LRMDA: variants seen among roughly 807,000 people sequenced by gnomAD.
LRMDA encodes the protein leucine-rich melanocyte differentiation-associated protein.
In LRMDA, 18 loss-of-function variants were observed where a neutral mutation model predicts 29.8. That is an observed-to-expected ratio of 0.60 (90% CI 0.42 to 0.90). The LOEUF is 0.90. LRMDA is among the 40% of genes least tolerant of loss of function. The pLI is 0.00. For synonymous variants in LRMDA, 125 were observed against 109.4 expected, an observed-to-expected ratio of 1.14 and a Z score of -0.89; for missense variants, 273 against 273.9, an observed-to-expected ratio of 1.00 and a Z score of 0.02.
chr10:75,817,737 G>T (rs1245583077), intron 2 of LRMDA, among the ~76,000 whole-genome samples: 4 of 152,334 alleles, frequency 2.6e-5, no homozygotes, highest in African/African-American at 9.6e-5. Flanking sequence ...GTATTGGAAT[G>T]ATACAATTAG....
chr10:75,461,416 A>G (rs146386991), intron 2 of LRMDA, among the ~76,000 whole-genome samples: 2 of 152,092 alleles, frequency 1.3e-5, no homozygotes, highest in Non-Finnish European at 2.9e-5. Flanking sequence ...TCAGAGAATG[A>G]TCTTCCTAGG....
chr10:76,527,218 T>C (rs1181099553), intron 6 of LRMDA, among the ~76,000 whole-genome samples: 1 of 152,092 alleles, frequency 6.6e-6, no homozygotes, highest in Non-Finnish European at 1.5e-5. Context: ...CAGCTCATGG[T>C]GAATGTGCTG....
At chr10:75,771,886 T>C (rs1211405815) in intron 2 of LRMDA, among the ~76,000 whole-genome samples, 1 of 152,054 alleles carries the variant, frequency 6.6e-6, no homozygotes, top group African/African-American at 2.4e-5. Flanking sequence ...TGCAGCTCTG[T>C]GGTTGCTTCA....
intron 2 of LRMDA, chr10:75,601,159 G>C (rs77751345): frequency 6.6e-6 from 1 of 152,160 alleles, no homozygotes; most frequent in Non-Finnish European, 1.5e-5. Flanking sequence ...AAGCTGTCAC[G>C]GGGACTCTGC....
chr10:76,403,963 C>A (rs1841876198), intron 6 of LRMDA, among the ~76,000 whole-genome samples: 1 of 152,094 alleles, frequency 6.6e-6, no homozygotes, highest in African/African-American at 2.4e-5. Flanking sequence ...ACTAGTGAAA[C>A]AGATGCAGGA....
chr10:75,614,521 T>C (rs1434555278), intron 2 of LRMDA, among the ~76,000 whole-genome samples: 1 of 152,106 alleles, frequency 6.6e-6, no homozygotes, highest in Non-Finnish European at 1.5e-5. Context: ...CCCAGTACTC[T>C]TTTTCTCCCC....
chr10:75,921,664 G>A (rs1846027018), intron 2 of LRMDA, among the ~76,000 whole-genome samples: 1 of 152,200 alleles, frequency 6.6e-6, no homozygotes, highest in South Asian at 2.1e-4. Context: ...TTATCTACAT[G>A]GTTGTATAGA....
intron 5 of LRMDA, among the ~76,000 whole-genome samples, chr10:76,059,718 G>A (rs183770807): frequency 7.2e-5 from 11 of 152,264 alleles, no homozygotes; most frequent in Non-Finnish European, 1.3e-4. Context: ...TTAAAGGGGG[G>A]AAAGAAAAAA....
At position 76,051,170 on chromosome 10, in the gene LRMDA, C is replaced by T. The variant is rs148366102; in HGVS notation, c.398+3867C>T. On this transcript the variant is annotated intron_variant, in intron 4 of 6. Transcript: ENST00000611255. ...CTCTGGGCTGCCACCATTTCCCAGA[C>T]GAATAGGAGCTGTAAAACTTGTGGC... Among the ~76,000 whole-genome samples, 71 of 152,348 alleles carry T rather than the reference C, an allele frequency of 4.7e-4. No individual in the cohort carries two copies. In the East Asian group the frequency reaches 0.011, roughly 24 times the overall value.
chr10:75,467,710 C>T (rs1287790132), intron 2 of LRMDA, among the ~76,000 whole-genome samples: 1 of 152,022 alleles, frequency 6.6e-6, no homozygotes, highest in East Asian at 1.9e-4. Flanking sequence ...TGCCTGTAAT[C>T]CCAGCACTTT....
At chr10:76,493,646 A>G (rs1778326048) in intron 6 of LRMDA, among the ~76,000 whole-genome samples, 1 of 152,024 alleles carries the variant, frequency 6.6e-6, no homozygotes, top group African/African-American at 2.4e-5. Context: ...ATATAGCTTT[A>G]TATTTAGTCT....
At chr10:76,075,496 A>G (rs1170590672) in intron 5 of LRMDA, among the ~76,000 whole-genome samples, 1 of 152,250 alleles carries the variant, frequency 6.6e-6, no homozygotes, top group Non-Finnish European at 1.5e-5. Flanking sequence ...AAGCCACCCA[A>G]TCAATGATAT....
intron 3 of LRMDA, among the ~76,000 whole-genome samples, chr10:76,038,765 G>GC (rs1848294656): frequency 6.6e-6 from 1 of 152,184 alleles, no homozygotes; most frequent in African/African-American, 2.4e-5. Flanking sequence ...CCCATGAAAT[G>GC]CTTTAGATAT....
chr10:75,596,305 C>G (rs1163552130), intron 2 of LRMDA, among the ~76,000 whole-genome samples: 1 of 152,196 alleles, frequency 6.6e-6, no homozygotes, highest in Non-Finnish European at 1.5e-5. Flanking sequence ...TCTGCACTCT[C>G]CGCCCTTACG....
At chr10:75,499,919 A>G (rs923014696) in intron 2 of LRMDA, among the ~76,000 whole-genome samples, 4 of 152,222 alleles carry the variant, frequency 2.6e-5, no homozygotes, top group African/African-American at 9.6e-5. Context: ...GCCTGATTCA[A>G]TGAAAAGATA....
chr10:76,305,257 TGTGGGCCCTTTC>T (rs1471640548), intron 5 of LRMDA, among the ~76,000 whole-genome samples: 1 of 151,266 alleles, frequency 6.6e-6, no homozygotes, highest in Non-Finnish European at 1.5e-5. Flanking sequence ...TTGTAGCATG[TGTGGGCCCTTTC>T]TTGGGCCCTT....
intron 1 of LRMDA, among the ~76,000 whole-genome samples, chr10:75,435,734 C>T (rs961622606): frequency 3.3e-5 from 5 of 152,130 alleles, no homozygotes; most frequent in Admixed American, 2.0e-4. Flanking sequence ...CCTTGGTGCT[C>T]CTGTTTCCTT....
At chr10:76,359,412 A>G (rs1207057796) in intron 6 of LRMDA, among the ~76,000 whole-genome samples, 4 of 152,186 alleles carry the variant, frequency 2.6e-5, no homozygotes, top group Admixed American at 2.6e-4. Context: ...GACTGGTTAC[A>G]TTAGTGCTGA....
chr10:75,457,623 G>A (rs1222458518), intron 2 of LRMDA, among the ~76,000 whole-genome samples: 1 of 152,158 alleles, frequency 6.6e-6, no homozygotes, highest in Non-Finnish European at 1.5e-5. Context: ...ATAGTGTTTT[G>A]AAAGTCTATA....
Sources: gnomAD v4.1 joint callset for allele counts (sites outside exome capture counted in the v4.1 genomes callset) on GRCh38, gnomAD v4.1.1 for gene constraint, MANE v1.5 for transcripts, NCBI Gene and HGNC (gene_info 2026-07-23, HGNC 2026-07-21) for gene names.